The following ZNF292 variants were observed in gnomAD, a reference collection of about 807,000 sequenced individuals.
The protein encoded by ZNF292 is zinc finger protein 292.
A neutral mutation model predicts 217.9 loss-of-function variants in ZNF292; 26 were observed. That is an observed-to-expected ratio of 0.12 (90% CI 0.09 to 0.17). The LOEUF is 0.17. Ranked by LOEUF, ZNF292 falls within the 10% of genes least tolerant of loss-of-function variation. The pLI is 1.00. For synonymous variants in ZNF292, 1,257 were observed against 1,124.1 expected, an observed-to-expected ratio of 1.12 and a Z score of -2.37; for missense variants, 2,904 against 3,175.2, an observed-to-expected ratio of 0.91 and a Z score of 2.05.
intron 5 of ZNF292, among the ~76,000 whole-genome samples, chr6:87,240,565 G>T (rs1774225835): frequency 6.6e-6 from 1 of 152,054 alleles, no homozygotes; most frequent in Non-Finnish European, 1.5e-5. Context: ...GGGATTACAG[G>T]CACCTGCTAC....
chr6:87,243,593 G>T lies in ZNF292; in HGVS notation c.860G>T (p.Gly287Val). The change falls in exon 6 of 8, where the codon GGA becomes GTA. Residue 287 changes from glycine (G) to valine (V), a missense_variant. By Grantham distance (109) the Gly-to-Val change is moderately radical (BLOSUM62 -3). Coordinates refer to ENST00000369577, the MANE Select transcript of ZNF292 (RefSeq NM_015021.3). ...TAFLSRQLQQ[G>V]DMYCAWELTL... ...TTTTTGTCACGTCAGCTCCAACAAGGAGATATGTACTGCGCTTGGTGAGTT... is the reference window on the plus strand; with the variant it reads ...TTTTTGTCACGTCAGCTCCAACAAGTAGATATGTACTGCGCTTGGTGAGTT... 6.5e-7 allele frequency: 1 copy of T among 1,546,850 alleles called. No individual in the cohort carries two copies. The highest frequency in any genetic ancestry group is 8.7e-7 in the Non-Finnish European group (1 of 1,145,260).
intron 1 of ZNF292, among the ~76,000 whole-genome samples, chr6:87,189,962 A>G (rs945934003): frequency 1.3e-5 from 2 of 152,226 alleles, no homozygotes; most frequent in African/African-American, 2.4e-5. Flanking sequence ...TTATGTCAGT[A>G]TAGACTCATG....
rs1339891366 is a variant in ZNF292, at chr6:87,204,605, C to G, written c.169-11298C>G. ...TGATACTAAGTCTCGCTCTTATCGC[C>G]CAGGCTGGAGTGCAATGGCACGATC... On this transcript the variant is annotated intron_variant, in intron 1 of 7. Transcript: ENST00000369577. 5.5e-5 allele frequency among the ~76,000 whole-genome samples: 7 copies of G among 126,348 alleles called. No homozygotes were observed. In the Admixed American group the frequency reaches 6.5e-4, roughly 12 times the overall value. The allele number at this position is 126,348 out of a possible 152,430, so 82.9% of individuals were successfully genotyped here. A position where few individuals can be genotyped will look rare whatever the true frequency, so the allele number is the denominator to read the frequency against.
chr6:87,233,621 G>A (rs749651040), intron 5 of ZNF292, 94 bp downstream of exon 5: 35 of 1,508,340 alleles, frequency 2.3e-5, no homozygotes, highest in African/African-American at 1.1e-4. Flanking sequence ...CTTAGATAGC[G>A]AAGAGATCAT....
At chr6:87,214,101 T>C (rs1354919343) in intron 1 of ZNF292, among the ~76,000 whole-genome samples, 1 of 152,182 alleles carries the variant, frequency 6.6e-6, no homozygotes, top group Non-Finnish European at 1.5e-5. Flanking sequence ...ATATGTATAA[T>C]AGTGACATGA....
chr6:87,226,807 T>C (rs961039880), intron 4 of ZNF292, among the ~76,000 whole-genome samples: 2 of 151,594 alleles, frequency 1.3e-5, no homozygotes, highest in African/African-American at 4.8e-5. Context: ...GCCTCCCGAG[T>C]AGCGGGGACT....
chr6:87,237,300 C>T (rs1366797592), intron 5 of ZNF292, among the ~76,000 whole-genome samples: 8 of 152,114 alleles, frequency 5.3e-5, no homozygotes, highest in African/African-American at 1.9e-4. Context: ...GGCTGGAGTG[C>T]AGTGGTGTGA....
intron 1 of ZNF292, among the ~76,000 whole-genome samples, chr6:87,204,607 AGGCTGGAGTGCAAT>A: frequency 8.8e-6 from 1 of 113,914 alleles, no homozygotes; most frequent in East Asian, 3.0e-4. Context: ...CTTATCGCCC[AGGCTGGAGTGCAAT>A]GGCACGATCT....
rs377156350 is a variant in ZNF292, at chr6:87,256,864, G to C, written c.3235G>C (p.Asp1079His). ...TATTGCATTTGTTCCACCGCAGTCC[G>C]ACCTAAGTAATTCATTAGGAACTCC... ...ESIAFVPPQS[D>H]LSNSLGTPSV... is the part of the protein sequence containing the mutation. Residue 1079 changes from aspartate to histidine, a missense_variant, in exon 8 of 8, where the codon GAC becomes CAC. Coordinates refer to ENST00000369577, the MANE Select transcript of ZNF292 (RefSeq NM_015021.3). 9.3e-6 allele frequency: 15 copies of C among 1,613,562 alleles called. No individual in the cohort carries two copies. The highest frequency in any genetic ancestry group is 4.0e-5 in the African/African-American group (3 of 74,860).
At chr6:87,229,720 C>T (rs1773552650) in intron 4 of ZNF292, among the ~76,000 whole-genome samples, 1 of 152,186 alleles carries the variant, frequency 6.6e-6, no homozygotes, top group Admixed American at 6.5e-5. Context: ...GCCACCGTGT[C>T]CAGCCTAATT....
At chr6:87,189,436 T>G (rs996459675) in intron 1 of ZNF292, among the ~76,000 whole-genome samples, 1 of 151,958 alleles carries the variant, frequency 6.6e-6, no homozygotes, top group Non-Finnish European at 1.5e-5. Flanking sequence ...GATTCAGATC[T>G]CCTTAGGTTT....
chr6:87,216,241 A>G (rs1422503467), intron 2 of ZNF292, 58 bp from the exon 3 acceptor site: 14 of 1,464,300 alleles, frequency 9.6e-6, no homozygotes, highest in Non-Finnish European at 1.3e-5. Context: ...TACTGGTTTT[A>G]TAATTTCCTT....
intron 6 of ZNF292, 22 bp downstream of exon 6, chr6:87,243,633 T>TA: frequency 3.5e-6 from 5 of 1,439,278 alleles, no homozygotes; most frequent in Non-Finnish European, 4.6e-6. Flanking sequence ...TTTTTTTTTT[T>TA]AAAGAAATAT....
chr6:87,245,855 A>G (rs1240758625), intron 7 of ZNF292, among the ~76,000 whole-genome samples: 1 of 152,236 alleles, frequency 6.6e-6, no homozygotes, highest in Non-Finnish European at 1.5e-5. Flanking sequence ...TAGCCAGAAG[A>G]AAAGTAATAT....
At chr6:87,243,671 G>A (rs1774427614) in intron 6 of ZNF292, 60 bp downstream of exon 6, 2 of 1,350,690 alleles carry the variant, frequency 1.5e-6, no homozygotes, top group Non-Finnish European at 1.9e-6. Flanking sequence ...AAAATAGGCT[G>A]TGAGAATTCA....
intron 1 of ZNF292, among the ~76,000 whole-genome samples, chr6:87,210,781 A>AAAAC (rs912990015): frequency 1.3e-5 from 2 of 151,864 alleles, no homozygotes; most frequent in Non-Finnish European, 2.9e-5. Context: ...CTCTGTCTCA[A>AAAAC]AAACAAACAA....
intron 7 of ZNF292, among the ~76,000 whole-genome samples, chr6:87,252,930 C>T (rs574899155): frequency 8.6e-5 from 13 of 152,046 alleles, no homozygotes; most frequent in Admixed American, 2.6e-4. Context: ...TTTTAAGAGA[C>T]AGGGTCTTGC....
intron 1 of ZNF292, among the ~76,000 whole-genome samples, chr6:87,207,394 C>T (rs567598679): frequency 6.6e-6 from 1 of 152,140 alleles, no homozygotes; most frequent in East Asian, 1.9e-4. Flanking sequence ...TCTCTGATTT[C>T]TATTATGGTT....
chr6:87,181,274 G>A (rs1005428866), intron 1 of ZNF292, among the ~76,000 whole-genome samples: 4 of 152,144 alleles, frequency 2.6e-5, no homozygotes, highest in Non-Finnish European at 5.9e-5. Flanking sequence ...CTCTCAGTGA[G>A]ATGGATGGGG....
Sources: gnomAD v4.1 joint callset for allele counts (sites outside exome capture counted in the v4.1 genomes callset) on GRCh38, gnomAD v4.1.1 for gene constraint, MANE v1.5 for transcripts, NCBI Gene and HGNC (gene_info 2026-07-23, HGNC 2026-07-21) for gene names.